Variants in STRN observed in about 807,000 individuals in gnomAD.
The protein encoded by STRN is striatin, also known as protein phosphatase 2 regulatory subunit B'''alpha.
STRN carries 53 observed loss-of-function variants against 96.3 expected under a neutral mutation model. The observed-to-expected ratio is 0.55, with a 90% confidence interval of 0.44 to 0.69. The LOEUF (loss-of-function observed/expected upper bound fraction) is 0.69. Ranked by LOEUF, STRN falls within the 30% of genes least tolerant of loss-of-function variation. STRN has a pLI of 0.00. For missense variants in STRN, 987 were observed against 963.9 expected (o/e 1.02, Z -0.32); for synonymous variants, 428 against 355.9 (o/e 1.20, Z -2.28).
chr2:36,946,671 C>T (rs1043582535), intron 1 of STRN, among the ~76,000 whole-genome samples: 1 of 152,110 alleles, frequency 6.6e-6, no homozygotes, highest in Non-Finnish European at 1.5e-5. Flanking sequence ...GTACTTTCTA[C>T]TTCATATGTC....
chr2:36,938,559 A>G (rs979942063), intron 1 of STRN, among the ~76,000 whole-genome samples: 3 of 152,238 alleles, frequency 2.0e-5, no homozygotes, highest in African/African-American at 7.2e-5. Context: ...AGTAAGTAGC[A>G]GCCTTAAGCC....
intron 10 of STRN, among the ~76,000 whole-genome samples, chr2:36,871,337 T>C (rs1327183430): frequency 2.0e-5 from 3 of 152,204 alleles, no homozygotes; most frequent in Non-Finnish European, 4.4e-5. Context: ...AGGTGTACCA[T>C]TTTAAAATCT....
At chr2:36,851,586 G>A (rs1431354807) in intron 15 of STRN, among the ~76,000 whole-genome samples, 1 of 152,124 alleles carries the variant, frequency 6.6e-6, no homozygotes, top group Non-Finnish European at 1.5e-5. Flanking sequence ...TCAATGTTAG[G>A]AAAGAGAATT....
intron 1 of STRN, among the ~76,000 whole-genome samples, chr2:36,931,096 A>C (rs1226506994): frequency 3.3e-5 from 5 of 151,624 alleles, no homozygotes; most frequent in African/African-American, 1.2e-4. Context: ...TTTTTCCCCA[A>C]AGTGTTGAGA....
At chr2:36,907,109 A>G (rs1669840567) in intron 3 of STRN, among the ~76,000 whole-genome samples, 1 of 152,186 alleles carries the variant, frequency 6.6e-6, no homozygotes, top group Non-Finnish European at 1.5e-5. Context: ...TCCAAGCTAT[A>G]CTATGGTTCT....
Position 36,902,663 on chromosome 2 carries a change from T to A in STRN, c.580A>T (p.Thr194Ser), listed in dbSNP as rs1312682523. Reference sequence around the variant, plus strand: ...TGATTTTTGTCATCTTCCCTGTCCGTGACATCACTTGAAAAGCCCAACAAA... The same window carrying A: ...TGATTTTTGTCATCTTCCCTGTCCGAGACATCACTTGAAAAGCCCAACAAA... ...RALLGFSSDVTDREDDKNQDS... is the reference protein window; with the variant it reads ...RALLGFSSDVSDREDDKNQDS... The change falls in exon 5 of 18, where the codon ACG becomes TCG. Residue 194 changes from threonine to serine, a missense_variant. Physicochemically the swap from Thr to Ser is moderately conservative, Grantham distance 58 (BLOSUM62 1). Coordinates refer to ENST00000263918, the MANE Select transcript of STRN (RefSeq NM_003162.4). 4 of 1,612,486 alleles carry A rather than the reference T, an allele frequency of 2.5e-6. No individual in the cohort carries two copies. Among genetic ancestry groups the A allele is most frequent in the Middle Eastern group, 1.7e-4 (1 of 6,060 alleles).
At chr2:36,940,638 TA>T (rs1301240966) in intron 1 of STRN, among the ~76,000 whole-genome samples, 1 of 151,312 alleles carries the variant, frequency 6.6e-6, no homozygotes, top group Non-Finnish European at 1.5e-5. Context: ...CCATCCTGGC[TA>T]ACATGGTGAA....
At chr2:36,904,868 T>C (rs1483495716) in intron 4 of STRN, among the ~76,000 whole-genome samples, 4 of 149,196 alleles carry the variant, frequency 2.7e-5, no homozygotes, top group African/African-American at 9.9e-5. Flanking sequence ...ATGAATGAAA[T>C]ATATGTTAGG....
chr2:36,873,604 T>C (rs1668821911), intron 10 of STRN, among the ~76,000 whole-genome samples: 1 of 151,754 alleles, frequency 6.6e-6, no homozygotes, highest in Admixed American at 6.6e-5. Context: ...TTCAAGGAGA[T>C]AAAAGACAAG....
At chr2:36,936,351 TA>T (rs1485990636) in intron 1 of STRN, among the ~76,000 whole-genome samples, 1 of 152,192 alleles carries the variant, frequency 6.6e-6, no homozygotes, top group African/African-American at 2.4e-5. Flanking sequence ...ACCACTACAA[TA>T]AATGACACAT....
chr2:36,869,754 A>ATC, intron 10 of STRN, 25 bp from the exon 11 acceptor site: 1 of 1,544,740 alleles, frequency 6.5e-7, no homozygotes, highest in Non-Finnish European at 8.7e-7. Flanking sequence ...AAACAAAGAT[A>ATC]TCTACACACT....
At chr2:36,883,069 T>C (rs1183351141) in intron 9 of STRN, among the ~76,000 whole-genome samples, 2 of 152,226 alleles carry the variant, frequency 1.3e-5, no homozygotes, top group Admixed American at 6.5e-5. Flanking sequence ...AAATCATTTG[T>C]ATGATTTTAA....
At chr2:36,938,055 A>C in intron 1 of STRN, among the ~76,000 whole-genome samples, 1 of 152,252 alleles carries the variant, frequency 6.6e-6, no homozygotes, top group East Asian at 1.9e-4. Flanking sequence ...TTTGAATTTT[A>C]AAGTATTTTG....
rs527273376 is a variant in STRN, at chr2:36,866,310, C to T, written c.1547+1504G>A. ...AGAACTTCTGAGCTCATGCAATCTG[C>T]CCGCCTCAGCTTCTCAAAAGTGCTG... On this transcript the variant is annotated intron_variant, in intron 12 of 17. Transcript: ENST00000263918. Among the ~76,000 whole-genome samples the T allele has an allele frequency of 3.9e-5, 6 of 152,280 alleles. No homozygotes were observed. The South Asian group carries it at 8.3e-4, about 21-fold the overall frequency.
At chr2:36,910,173 C>CA (rs146718686) in intron 3 of STRN, among the ~76,000 whole-genome samples, 16,117 of 111,316 alleles carry the variant, frequency 0.14, 1,610 homozygotes, top group African/African-American at 0.28. Flanking sequence ...GACTTTGTCT[C>CA]AAAAAAAAAA....
chr2:36,939,741 C>CA, intron 1 of STRN, among the ~76,000 whole-genome samples: 1 of 152,108 alleles, frequency 6.6e-6, no homozygotes, highest in East Asian at 1.9e-4. Flanking sequence ...GTTTCTGACA[C>CA]AAAATCACTA....
intron 1 of STRN, among the ~76,000 whole-genome samples, chr2:36,965,589 G>T (rs1665138061): frequency 6.6e-6 from 1 of 152,112 alleles, no homozygotes; most frequent in Admixed American, 6.6e-5. Flanking sequence ...CGATCATCTA[G>T]GTCCTTCATT....
At chr2:36,951,065 T>C (rs1408106056) in intron 1 of STRN, among the ~76,000 whole-genome samples, 1 of 151,874 alleles carries the variant, frequency 6.6e-6, no homozygotes, top group Non-Finnish European at 1.5e-5. Context: ...CAAGAAAAAA[T>C]ATTCAATTAG....
chr2:36,847,167 T>C lies in STRN; in HGVS notation c.*2289A>G, dbSNP rs1558618141. 6.6e-6 allele frequency: 1 copy of C among 152,170 alleles called. No individual in the cohort carries two copies. Among genetic ancestry groups the C allele is most frequent in the East Asian group, 1.9e-4 (1 of 5,196 alleles). The allele number at this position is 152,170 out of a possible 1,614,324, so 9.4% of individuals were successfully genotyped here. On this transcript the variant is annotated 3_prime_UTR_variant, in exon 18 of 18. Transcript: ENST00000263918. ...TTCTAAGGAACTTTCAACAGTTCCA[T>C]TTGCGCTACAGTCTATGTATCTCAT... is the stretch of plus-strand genomic sequence containing the variant.
Sources: allele counts gnomAD v4.1 joint callset (sites outside exome capture counted in the v4.1 genomes callset), GRCh38; gene constraint gnomAD v4.1.1; transcripts MANE v1.5; gene names NCBI Gene and HGNC (gene_info 2026-07-23, HGNC 2026-07-21).